The following ARB2A variants were observed in gnomAD, a reference collection of about 807,000 sequenced individuals.
The protein encoded by ARB2A is ARB2 cotranscriptional regulator A.
the ARB2A span, among the ~76,000 whole-genome samples, chr5:93,630,211 C>T: frequency 3.3e-5 from 5 of 152,044 alleles, no homozygotes; most frequent in Admixed American, 3.3e-4. Context: ...CAAAGAAGGG[C>T]TTCTATTGGA....
chr5:94,003,699 AT>A, the ARB2A span, among the ~76,000 whole-genome samples: 4 of 152,246 alleles, frequency 2.6e-5, no homozygotes, highest in African/African-American at 9.6e-5. Context: ...GTGAAAAAAA[AT>A]AAAAGACATA....
At chr5:94,008,403 C>A in the ARB2A span, among the ~76,000 whole-genome samples, 1 of 152,110 alleles carries the variant, frequency 6.6e-6, no homozygotes, top group Non-Finnish European at 1.5e-5. Context: ...AATGTAGATT[C>A]TCATTCAGTA....
At chr5:94,082,620 G>T in the ARB2A span, among the ~76,000 whole-genome samples, 1 of 152,096 alleles carries the variant, frequency 6.6e-6, no homozygotes. Flanking sequence ...ATTTATTCAA[G>T]GGGAAAATTT....
At chr5:94,042,493 G>C in the ARB2A span, among the ~76,000 whole-genome samples, 9 of 151,914 alleles carry the variant, frequency 5.9e-5, 1 homozygote, top group Non-Finnish European at 1.2e-4. Flanking sequence ...TTTTAGTAGA[G>C]ATGGGTTTTC....
At chr5:93,994,307 A>C in the ARB2A span, among the ~76,000 whole-genome samples, 1 of 152,204 alleles carries the variant, frequency 6.6e-6, no homozygotes, top group Non-Finnish European at 1.5e-5. Context: ...AATATGGTTC[A>C]CACACACAAT....
the ARB2A span, among the ~76,000 whole-genome samples, chr5:93,960,312 A>T: frequency 3.3e-5 from 5 of 152,098 alleles, no homozygotes; most frequent in Non-Finnish European, 7.4e-5. Flanking sequence ...ACACCTTTTC[A>T]TTGAAGCCTT....
the ARB2A span, among the ~76,000 whole-genome samples, chr5:93,690,321 T>C: frequency 6.6e-6 from 1 of 152,186 alleles, no homozygotes; most frequent in South Asian, 2.1e-4. Flanking sequence ...TTCTCACTGC[T>C]AGCAGAGCAG....
At chr5:93,812,960 T>C in the ARB2A span, among the ~76,000 whole-genome samples, 3 of 152,266 alleles carry the variant, frequency 2.0e-5, no homozygotes, top group African/African-American at 7.2e-5. Context: ...AGTGTCCTTA[T>C]AAGAAGAGGA....
chr5:93,946,994 G>T, the ARB2A span, among the ~76,000 whole-genome samples: 3 of 152,094 alleles, frequency 2.0e-5, no homozygotes, highest in African/African-American at 7.2e-5. Flanking sequence ...ACTTTTTAAT[G>T]TCATATTTTT....
the ARB2A span, among the ~76,000 whole-genome samples, chr5:94,001,397 T>A: frequency 6.6e-6 from 1 of 152,250 alleles, no homozygotes; most frequent in East Asian, 1.9e-4. Context: ...CAGTCATTAT[T>A]GCTTCAAATA....
At chr5:93,913,293 T>C in the ARB2A span, among the ~76,000 whole-genome samples, 11 of 151,940 alleles carry the variant, frequency 7.2e-5, no homozygotes, top group South Asian at 2.3e-3. Flanking sequence ...TCAGTTTTGA[T>C]GCTCTTACTC....
chr5:93,889,225 G>C, the ARB2A span, among the ~76,000 whole-genome samples: 3 of 151,848 alleles, frequency 2.0e-5, no homozygotes, highest in East Asian at 3.9e-4. Flanking sequence ...TTTGTGTTAA[G>C]AGTGGTATTT....
At chr5:94,063,124 C>T in the ARB2A span, among the ~76,000 whole-genome samples, 12 of 152,226 alleles carry the variant, frequency 7.9e-5, no homozygotes, top group African/African-American at 2.4e-4. Context: ...ACCCCACCCC[C>T]GCCTACCAGA....
At chr5:93,676,537 T>C in the ARB2A span, among the ~76,000 whole-genome samples, 1 of 152,208 alleles carries the variant, frequency 6.6e-6, no homozygotes. Flanking sequence ...TCTTAACCTA[T>C]AATCATGATT....
At chr5:93,974,128 C>T in the ARB2A span, among the ~76,000 whole-genome samples, 1 of 152,172 alleles carries the variant, frequency 6.6e-6, no homozygotes, top group Non-Finnish European at 1.5e-5. Context: ...AAACAAGACC[C>T]ATCCTTCTAC....
the ARB2A span, among the ~76,000 whole-genome samples, chr5:93,699,096 T>A: frequency 6.6e-6 from 1 of 152,182 alleles, no homozygotes; most frequent in South Asian, 2.1e-4. Flanking sequence ...CCTACTCTTA[T>A]CAGTTCTCAG....
chr5:93,882,479 G>C, the ARB2A span, among the ~76,000 whole-genome samples: 1 of 149,280 alleles, frequency 6.7e-6, no homozygotes, highest in Non-Finnish European at 1.5e-5. Flanking sequence ...AGCTATTAAG[G>C]CTTTTTTTTT....
At chr5:94,108,873 GAT>G in the ARB2A span, among the ~76,000 whole-genome samples, 1 of 152,034 alleles carries the variant, frequency 6.6e-6, no homozygotes, top group Non-Finnish European at 1.5e-5. Context: ...TATACATATA[GAT>G]ATATATACAT....
At chr5:93,848,081 A>AT in the ARB2A span, among the ~76,000 whole-genome samples, 1 of 152,172 alleles carries the variant, frequency 6.6e-6, no homozygotes, top group African/African-American at 2.4e-5. Context: ...AAATATCCAA[A>AT]TTTTTTAAAA....
Sources: allele counts gnomAD v4.1 joint callset (sites outside exome capture counted in the v4.1 genomes callset), GRCh38; gene constraint gnomAD v4.1.1; transcripts MANE v1.5; gene names NCBI Gene and HGNC (gene_info 2026-07-23, HGNC 2026-07-21).